Variants in HYCC2 observed in about 807,000 individuals in gnomAD.
The protein encoded by HYCC2 is hyccin PI4KA lipid kinase complex subunit 2.
the HYCC2 span, chr2:201,052,285 G>T: frequency 7.2e-5 from 11 of 152,084 alleles, no homozygotes; most frequent in Non-Finnish European, 1.0e-4. Context: ...CAACAGGAGG[G>T]GGGGAAGAAA....
the HYCC2 span, among the ~76,000 whole-genome samples, chr2:200,986,970 T>C: frequency 6.6e-6 from 1 of 152,236 alleles, no homozygotes; most frequent in South Asian, 2.1e-4. Flanking sequence ...AATTATTGTA[T>C]AAATAAAATC....
At chr2:201,011,302 T>C in the HYCC2 span, 1 of 683,170 alleles carries the variant, frequency 1.5e-6, no homozygotes, top group Non-Finnish European at 2.4e-6. Context: ...TAAAGATATT[T>C]TAGGAATATT....
chr2:201,027,557 A>T, the HYCC2 span, among the ~76,000 whole-genome samples: 1 of 152,196 alleles, frequency 6.6e-6, no homozygotes, highest in Non-Finnish European at 1.5e-5. Flanking sequence ...TCGATGCAAA[A>T]ATCCTCAATA....
the HYCC2 span, chr2:200,980,190 G>A: frequency 6.6e-6 from 1 of 152,536 alleles, no homozygotes; most frequent in Non-Finnish European, 1.5e-5. Flanking sequence ...CAAAATGTCT[G>A]ACTGAATTTA....
At chr2:200,990,436 C>G in the HYCC2 span, among the ~76,000 whole-genome samples, 10 of 152,098 alleles carry the variant, frequency 6.6e-5, no homozygotes, top group Admixed American at 3.9e-4. Context: ...AGGTCTTGCT[C>G]TGTCACCCAG....
the HYCC2 span, among the ~76,000 whole-genome samples, chr2:201,003,735 A>G: frequency 2.0e-5 from 3 of 148,542 alleles, no homozygotes; most frequent in African/African-American, 7.5e-5. Flanking sequence ...GTGAAAACAT[A>G]TCAGCTTAGC....
At chr2:200,978,249 A>C in the HYCC2 span, 1 of 152,136 alleles carries the variant, frequency 6.6e-6, no homozygotes, top group East Asian at 1.9e-4. Context: ...AACACCTTCC[A>C]TTTTAACTAA....
the HYCC2 span, chr2:200,992,183 C>G: frequency 1.8e-5 from 14 of 791,882 alleles, no homozygotes; most frequent in South Asian, 2.3e-4. Context: ...TCATGGAATA[C>G]AAATTTTCCC....
the HYCC2 span, among the ~76,000 whole-genome samples, chr2:201,050,971 T>C: frequency 6.6e-6 from 1 of 152,066 alleles, no homozygotes; most frequent in Non-Finnish European, 1.5e-5. Context: ...CCAGTATAGC[T>C]ATAACAAAAA....
the HYCC2 span, among the ~76,000 whole-genome samples, chr2:201,038,832 C>G: frequency 6.6e-6 from 1 of 151,620 alleles, no homozygotes; most frequent in Admixed American, 6.6e-5. Flanking sequence ...CAACATGGCA[C>G]ATGTATACAT....
At chr2:201,010,334 G>A in the HYCC2 span, among the ~76,000 whole-genome samples, 3 of 152,102 alleles carry the variant, frequency 2.0e-5, no homozygotes, top group African/African-American at 7.2e-5. Flanking sequence ...AGATGGTCAG[G>A]ATACTGTGTG....
chr2:201,060,062 G>T, the HYCC2 span, among the ~76,000 whole-genome samples: 9 of 143,472 alleles, frequency 6.3e-5, 1 homozygote, highest in East Asian at 9.0e-4. Flanking sequence ...AGCGGGGGGG[G>T]GGGGGTTCTT....
the HYCC2 span, among the ~76,000 whole-genome samples, chr2:201,066,004 A>C: frequency 2.0e-5 from 3 of 152,232 alleles, no homozygotes; most frequent in African/African-American, 7.2e-5. Context: ...ATTTTCCATA[A>C]ATAGCAGATA....
At chr2:201,019,468 G>A in the HYCC2 span, among the ~76,000 whole-genome samples, 1 of 152,114 alleles carries the variant, frequency 6.6e-6, no homozygotes, top group East Asian at 1.9e-4. Context: ...TTAAAAACTC[G>A]CTGGTCAGGT....
chr2:200,995,485 C>T, the HYCC2 span, among the ~76,000 whole-genome samples: 7 of 152,154 alleles, frequency 4.6e-5, no homozygotes, highest in African/African-American at 7.2e-5. Flanking sequence ...ATTATGTGTA[C>T]GTGAGTACGT....
the HYCC2 span, among the ~76,000 whole-genome samples, chr2:201,013,086 C>T: frequency 1.3e-5 from 2 of 152,086 alleles, no homozygotes; most frequent in African/African-American, 4.8e-5. Context: ...TAGCATACAT[C>T]ACTGGCATAA....
chr2:201,033,161 G>GTC, the HYCC2 span, among the ~76,000 whole-genome samples: 1 of 80,706 alleles, frequency 1.2e-5, no homozygotes, highest in Non-Finnish European at 3.5e-5. Context: ...GTGTGTGTAT[G>GTC]TGTGTGTGTG....
the HYCC2 span, among the ~76,000 whole-genome samples, chr2:201,050,568 G>A: frequency 1.3e-5 from 2 of 150,734 alleles, no homozygotes; most frequent in Non-Finnish European, 2.9e-5. Flanking sequence ...CTCCAGCCTG[G>A]GTGACACAGC....
chr2:201,038,849 C>T, the HYCC2 span, among the ~76,000 whole-genome samples: 1 of 151,674 alleles, frequency 6.6e-6, no homozygotes, highest in Non-Finnish European at 1.5e-5. Flanking sequence ...ACATACGTAA[C>T]AAACCTGCAT....
Sources: gnomAD v4.1 joint callset for allele counts (sites outside exome capture counted in the v4.1 genomes callset) on GRCh38, gnomAD v4.1.1 for gene constraint, MANE v1.5 for transcripts, NCBI Gene and HGNC (gene_info 2026-07-23, HGNC 2026-07-21) for gene names.